The following SPATS2 variants were observed in gnomAD, a reference collection of about 807,000 sequenced individuals.
SPATS2 encodes the protein spermatogenesis associated serine rich 2.
SPATS2 carries 38 observed loss-of-function variants against 63.7 expected under a neutral mutation model. That is an observed-to-expected ratio of 0.60 (90% CI 0.46 to 0.78). The LOEUF (loss-of-function observed/expected upper bound fraction) is 0.78. Ranked by LOEUF, SPATS2 falls within the 30% of genes least tolerant of loss-of-function variation. The probability of loss-of-function intolerance (pLI) is 0.00; values close to 1 mark genes in which losing one functional copy is unlikely to be tolerated. For synonymous variants in SPATS2, 207 were observed against 232.9 expected (o/e 0.89, Z 1.01); for missense variants, 588 against 666.2 (o/e 0.88, Z 1.29).
At chr12:49,492,500 G>A (rs572015949) in intron 6 of SPATS2, among the ~76,000 whole-genome samples, 26 of 152,232 alleles carry the variant, frequency 1.7e-4, no homozygotes, top group African/African-American at 5.5e-4. Context: ...GGAATTACAG[G>A]CATGAGCCAC....
At chr12:49,408,998 C>T (rs1944748047) in intron 2 of SPATS2, among the ~76,000 whole-genome samples, 1 of 151,788 alleles carries the variant, frequency 6.6e-6, no homozygotes, top group Admixed American at 6.6e-5. Context: ...TGAATGCATA[C>T]AGCTTTCAGT....
At position 49,527,197 on chromosome 12, in the gene SPATS2, A is replaced by G. The variant is rs1947049896; in HGVS notation, c.*942A>G. On this transcript the variant is annotated 3_prime_UTR_variant, in exon 14 of 14. Coordinates refer to ENST00000552918, the MANE Select transcript of SPATS2 (RefSeq NM_023071.4). ...AGCTGAGATTGTGCCACTGCACTCC[A>G]GCCTGGGAGACAGAGCAAGACTCAG... 6.6e-6 allele frequency: 1 copy of G among 150,736 alleles called. No homozygotes were observed. The highest frequency in any genetic ancestry group is 2.5e-5 in the African/African-American group (1 of 40,758). 9.3% of individuals were successfully genotyped at this position (150,736 alleles called of 1,614,324 possible).
At chr12:49,408,364 T>C (rs1396085451) in intron 2 of SPATS2, among the ~76,000 whole-genome samples, 1 of 151,734 alleles carries the variant, frequency 6.6e-6, no homozygotes, top group Non-Finnish European at 1.5e-5. Flanking sequence ...GCGATTCTCC[T>C]GCCTCAGTCT....
At chr12:49,500,031 T>TG in intron 8 of SPATS2, 39 bp from the exon 9 acceptor site, 1 of 1,295,082 alleles carries the variant, frequency 7.7e-7, no homozygotes, top group Admixed American at 3.5e-5. Flanking sequence ...ATATAATTAT[T>TG]CTTTTTTTTT....
Position 49,367,512 on chromosome 12 carries a change from C to T in SPATS2, c.-382C>T, listed in dbSNP as rs924834158. The T allele has an allele frequency of 4.8e-4, 192 of 398,706 alleles. No homozygotes were observed. Among genetic ancestry groups the T allele is most frequent in the Admixed American group, 2.2e-4 (5 of 22,656 alleles). The allele number at this position is 398,706 out of a possible 1,614,324, so 24.7% of individuals were successfully genotyped here. A position where few individuals can be genotyped will look rare whatever the true frequency, so the allele number is the denominator to read the frequency against. ...GGGGAGGTGGAGGATCTCCTTTCCT[C>T]TTCTCAGACCCGGGAGCGTCCGGGA... On this transcript the variant is annotated 5_prime_UTR_variant, in exon 1 of 14. Coordinates refer to ENST00000552918, the MANE Select transcript of SPATS2 (RefSeq NM_023071.4).
chr12:49,417,760 AT>A (rs1944912122), intron 2 of SPATS2, among the ~76,000 whole-genome samples: 1 of 152,240 alleles, frequency 6.6e-6, no homozygotes, highest in Non-Finnish European at 1.5e-5. Context: ...TGTCTGCCAT[AT>A]TACAACACTT....
At chr12:49,506,527 C>T (rs1212126066) in intron 9 of SPATS2, among the ~76,000 whole-genome samples, 1 of 152,192 alleles carries the variant, frequency 6.6e-6, no homozygotes, top group South Asian at 2.1e-4. Flanking sequence ...CAGTTATCTT[C>T]ACCTGGCCCC....
intron 2 of SPATS2, among the ~76,000 whole-genome samples, chr12:49,438,758 C>T (rs1389948359): frequency 6.6e-6 from 1 of 152,086 alleles, no homozygotes; most frequent in Admixed American, 6.6e-5. Context: ...TATTTATTAC[C>T]TTGTTATATA....
At chr12:49,453,728 G>A (rs985050406) in intron 2 of SPATS2, among the ~76,000 whole-genome samples, 2 of 151,950 alleles carry the variant, frequency 1.3e-5, no homozygotes, top group African/African-American at 4.8e-5. Flanking sequence ...CAGAAGAATC[G>A]CTTGAGCCCA....
chr12:49,477,119 A>T (rs983030427), intron 3 of SPATS2, among the ~76,000 whole-genome samples: 3 of 151,916 alleles, frequency 2.0e-5, no homozygotes, highest in African/African-American at 7.2e-5. Flanking sequence ...AAAAAAAAAA[A>T]TTCTTGGAAT....
At chr12:49,458,732 G>GT (rs559444527) in intron 2 of SPATS2, among the ~76,000 whole-genome samples, 12,831 of 136,680 alleles carry the variant, frequency 0.094, 602 homozygotes, top group African/African-American at 0.12. Flanking sequence ...ATTCCATCTC[G>GT]TTTTTTTTTT....
chr12:49,466,684 T>C (rs1945922221), intron 3 of SPATS2, among the ~76,000 whole-genome samples: 1 of 152,210 alleles, frequency 6.6e-6, no homozygotes. Context: ...TACACTGTAT[T>C]GATTAGTATG....
intron 8 of SPATS2, among the ~76,000 whole-genome samples, chr12:49,498,145 A>AATATATATATATAT (rs1555191172): frequency 7.1e-4 from 70 of 98,942 alleles, no homozygotes; most frequent in African/African-American, 3.0e-3. Flanking sequence ...AAAAAAAAAA[A>AATATATATATATAT]ATATATATAT....
chr12:49,504,770 C>CTTTCTTTTTTT (rs1220484266), intron 9 of SPATS2, among the ~76,000 whole-genome samples: 2 of 98,858 alleles, frequency 2.0e-5, no homozygotes, highest in African/African-American at 7.7e-5. Context: ...TTCTTTCTTT[C>CTTTCTTTTTTT]TTTTTTTTTT....
chr12:49,396,884 A>C (rs1944522192), intron 2 of SPATS2, among the ~76,000 whole-genome samples: 1 of 152,252 alleles, frequency 6.6e-6, no homozygotes, highest in African/African-American at 2.4e-5. Context: ...TCAGCTCTGG[A>C]CTTCAGCTCT....
intron 2 of SPATS2, among the ~76,000 whole-genome samples, chr12:49,458,514 T>C (rs1945760275): frequency 1.3e-5 from 2 of 151,452 alleles, no homozygotes; most frequent in South Asian, 2.1e-4. Context: ...GAGCAGTGGC[T>C]CACGCCTGTA....
chr12:49,400,245 T>C (rs1490199138), intron 2 of SPATS2, among the ~76,000 whole-genome samples: 1 of 152,026 alleles, frequency 6.6e-6, no homozygotes, highest in Non-Finnish European at 1.5e-5. Context: ...TGGAATTTCT[T>C]GCTGATCTTG....
chr12:49,493,099 T>TAAA (rs559171414), intron 6 of SPATS2, among the ~76,000 whole-genome samples: 3 of 126,412 alleles, frequency 2.4e-5, no homozygotes, highest in Admixed American at 8.3e-5. Flanking sequence ...ACTCCGTCTT[T>TAAA]AAAAAAAAAA....
chr12:49,401,916 T>C (rs1246243137), intron 2 of SPATS2, among the ~76,000 whole-genome samples: 1 of 152,220 alleles, frequency 6.6e-6, no homozygotes, highest in Non-Finnish European at 1.5e-5. Flanking sequence ...CAGGCTGGTC[T>C]TGAACTCCTG....
Sources: allele counts gnomAD v4.1 joint callset (sites outside exome capture counted in the v4.1 genomes callset), GRCh38; gene constraint gnomAD v4.1.1; transcripts MANE v1.5; gene names NCBI Gene and HGNC (gene_info 2026-07-23, HGNC 2026-07-21).